MATN2: variants seen among roughly 807,000 people sequenced by gnomAD.
MATN2 encodes matrilin-2.
MATN2 carries 69 observed loss-of-function variants against 103.2 expected under a neutral mutation model. The ratio of observed to expected loss-of-function variants is 0.67; its 90% CI spans 0.55 to 0.82. The LOEUF is 0.82. MATN2 is among the 40% of genes least tolerant of loss of function. The pLI, the probability that MATN2 is intolerant of heterozygous loss-of-function variation, is 0.00. For missense variants in MATN2, 1,023 were observed against 1,211.5 expected (o/e 0.84, Z 2.31); for synonymous variants, 429 against 450.2 (o/e 0.95, Z 0.60).
intron 6 of MATN2, among the ~76,000 whole-genome samples, chr8:97,985,270 A>G (rs1214227345): frequency 1.3e-5 from 2 of 152,190 alleles, no homozygotes; most frequent in African/African-American, 4.8e-5. Context: ...ACCAGCTCTC[A>G]TGAGAACTAA....
intron 13 of MATN2, among the ~76,000 whole-genome samples, chr8:98,024,255 G>C (rs1356452323): frequency 6.6e-6 from 1 of 152,030 alleles, no homozygotes; most frequent in Non-Finnish European, 1.5e-5. Context: ...CTTTAATCCC[G>C]GCACCTTGAG....
intron 2 of MATN2, among the ~76,000 whole-genome samples, chr8:97,894,065 T>C (rs925155474): frequency 6.6e-6 from 1 of 152,240 alleles, no homozygotes; most frequent in Non-Finnish European, 1.5e-5. Context: ...GAAGTTATGT[T>C]TGTGTTTTAA....
rs746126254 is a variant in MATN2 at position 97,931,007 on chromosome 8, G to A, written c.197G>A (p.Arg66His). Residue 66 changes from arginine to histidine, a missense_variant, in exon 3 of 19, where the codon CGC becomes CAC. Transcript: ENST00000254898. This position sits in a 1 kb window ranked among gnomAD's most constrained non-coding sequence, Gnocchi z 4.1. ...CTGGTTTTCATCATTGACAGCTCTC[G>A]CAGTGTCAACACCCATGACTATGCA... ...ADLVFIIDSS[R>H]SVNTHDYAKV... 3.7e-6 allele frequency: 6 copies of A among 1,613,750 alleles called. No homozygotes were observed. The highest frequency in any genetic ancestry group is 1.1e-5 in the South Asian group (1 of 91,004).
chr8:97,981,532 C>G (rs1812021797), intron 6 of MATN2, among the ~76,000 whole-genome samples: 1 of 151,860 alleles, frequency 6.6e-6, no homozygotes, highest in South Asian at 2.1e-4. Context: ...CATAGCCACA[C>G]TGAGTAGCTG....
At chr8:98,032,106 T>C in intron 15 of MATN2, 140 bp from the exon 16 acceptor site, 1 of 632,602 alleles carries the variant, frequency 1.6e-6, no homozygotes, top group Non-Finnish European at 2.8e-6. Flanking sequence ...CTTTTTTGAA[T>C]CTTTGGTGTT....
At chr8:97,951,748 T>G (rs911395041) in intron 4 of MATN2, among the ~76,000 whole-genome samples, 2 of 138,308 alleles carry the variant, frequency 1.4e-5, no homozygotes, top group Non-Finnish European at 3.2e-5. Flanking sequence ...TTTGTTTATT[T>G]ATTATTTTTG....
chr8:97,965,370 T>C (rs2130270287), intron 5 of MATN2, among the ~76,000 whole-genome samples: 1 of 152,280 alleles, frequency 6.6e-6, no homozygotes, highest in Admixed American at 6.5e-5. Context: ...CAGGGTGTAT[T>C]CCAGGAGAAG....
rs1813365194 is a variant in MATN2, at chr8:98,016,587, G to A, written c.1621G>A (p.Val541Ile). ...LGDHGCEHSCVSSEDSFVCQC... is the reference protein window; with the variant it reads ...LGDHGCEHSCISSEDSFVCQC... ...GGACCACGGTTGTGAACATTCGTGTGTAAGCAGTGAAGATTCGTTTGTGTG... is the reference window on the plus strand; with the variant it reads ...GGACCACGGTTGTGAACATTCGTGTATAAGCAGTGAAGATTCGTTTGTGTG... Residue 541 changes from valine (V) to isoleucine (I), a missense_variant, in exon 11 of 19, where the codon GTA becomes ATA. Physicochemically the swap from Val to Ile is conservative, Grantham distance 29. Coordinates refer to ENST00000254898, the MANE Select transcript of MATN2 (RefSeq NM_002380.5). The A allele has an allele frequency of 1.2e-6, 2 of 1,611,546 alleles. No homozygotes were observed. Among genetic ancestry groups the A allele is most frequent in the Non-Finnish European group, 1.7e-6 (2 of 1,178,664 alleles).
intron 3 of MATN2, among the ~76,000 whole-genome samples, chr8:97,940,165 T>C (rs1810506423): frequency 6.6e-6 from 1 of 152,152 alleles, no homozygotes; most frequent in Non-Finnish European, 1.5e-5. Flanking sequence ...AAGGGCTGGG[T>C]GTGGTGGCTC....
chr8:98,035,751 C>T lies in MATN2; in HGVS notation c.*39C>T, dbSNP rs771465434. 9.0e-6 allele frequency: 13 copies of T among 1,439,632 alleles called. No homozygotes were observed. The highest frequency in any genetic ancestry group is 1.3e-5 in the South Asian group (1 of 79,956). The allele number at this position is 1,439,632 out of a possible 1,614,324, so 89.2% of individuals were successfully genotyped here. A position where few individuals can be genotyped will look rare whatever the true frequency, so the allele number is the denominator to read the frequency against. On this transcript the variant is annotated 3_prime_UTR_variant, in exon 19 of 19. Transcript: ENST00000254898. Reference sequence around the variant, plus strand: ...CGACACATTTGTAGTCATTGTATCACGGATTACAATGAACGCAGTGCAGAG... The same window carrying T: ...CGACACATTTGTAGTCATTGTATCATGGATTACAATGAACGCAGTGCAGAG...
intron 2 of MATN2, among the ~76,000 whole-genome samples, chr8:97,925,087 G>C (rs1809947076): frequency 2.0e-5 from 3 of 152,168 alleles, no homozygotes; most frequent in Non-Finnish European, 4.4e-5. Context: ...AGAGACTCCA[G>C]TACAGCCACG....
intron 4 of MATN2, among the ~76,000 whole-genome samples, chr8:97,960,797 G>C (rs1022166793): frequency 6.6e-6 from 1 of 151,746 alleles, no homozygotes; most frequent in South Asian, 2.1e-4. Context: ...TTCCAACTTT[G>C]AAAAATGTGT....
rs556858905 is a variant in MATN2 at position 97,987,121 on chromosome 8, G to A, written c.1082-7359G>A. ...CTCTCAAAGTGCTGGGATTACAGGC[G>A]TGAGCCACCACACCTGGCCTACTTT... On this transcript the variant is annotated intron_variant, in intron 6 of 18. Transcript: ENST00000254898. 4.6e-5 allele frequency among the ~76,000 whole-genome samples: 7 copies of A among 152,126 alleles called. No individual in the cohort carries two copies. In the South Asian group the frequency reaches 6.2e-4, roughly 14 times the overall value.
chr8:97,974,844 C>T (rs973072985), intron 5 of MATN2, among the ~76,000 whole-genome samples: 1 of 152,192 alleles, frequency 6.6e-6, no homozygotes, highest in Admixed American at 6.5e-5. Context: ...AACAATGGCT[C>T]TTAAGTTTTA....
intron 15 of MATN2, chr8:98,031,315 G>C (rs1180435703): frequency 6.6e-6 from 1 of 151,864 alleles, no homozygotes; most frequent in East Asian, 1.9e-4. Flanking sequence ...TCCAACCTGG[G>C]TGACAAAGCA....
At chr8:97,981,871 G>A (rs1310803327) in intron 6 of MATN2, among the ~76,000 whole-genome samples, 1 of 152,156 alleles carries the variant, frequency 6.6e-6, no homozygotes, top group Non-Finnish European at 1.5e-5. Flanking sequence ...TGGAGCCCTG[G>A]AATCAGACCC....
intron 12 of MATN2, 175 bp from the exon 13 acceptor site, chr8:98,021,030 G>T (rs1480842593): frequency 3.7e-6 from 2 of 537,398 alleles, no homozygotes; most frequent in Non-Finnish European, 6.5e-6. Flanking sequence ...AGCTTTCTGA[G>T]AGGAGCTTTT....
At position 97,931,954 on chromosome 8, in the gene MATN2, C is replaced by T. The variant is rs1158528007; in HGVS notation, c.712+432C>T. Reference sequence around the variant, plus strand: ...CTGGCTTCAAGCGATCCTCCTGCCTCAACCTCCCAAAGTGCTGGGATTATA... The same window carrying T: ...CTGGCTTCAAGCGATCCTCCTGCCTTAACCTCCCAAAGTGCTGGGATTATA... On this transcript the variant is annotated intron_variant, in intron 3 of 18. Transcript: ENST00000254898. This position sits in a 1 kb window ranked among gnomAD's most constrained non-coding sequence, Gnocchi z 4.1. Among the ~76,000 whole-genome samples the T allele has an allele frequency of 6.6e-6, 1 of 152,202 alleles. No individual in the cohort carries two copies. The highest frequency in any genetic ancestry group is 1.5e-5 in the Non-Finnish European group (1 of 68,032).
At chr8:97,914,392 A>G (rs1177746613) in intron 2 of MATN2, among the ~76,000 whole-genome samples, 6 of 91,668 alleles carry the variant, frequency 6.5e-5, no homozygotes, top group Admixed American at 5.1e-4. Context: ...TTTTTTTGGA[A>G]CAGGGTCTTG....
Sources: allele counts gnomAD v4.1 joint callset (sites outside exome capture counted in the v4.1 genomes callset), GRCh38; gene constraint gnomAD v4.1.1; non-coding constraint Gnocchi (gnomAD v3.1); transcripts MANE v1.5; gene names NCBI Gene and HGNC (gene_info 2026-07-23, HGNC 2026-07-21).